The following MOG variants were observed in gnomAD, a reference collection of about 807,000 sequenced individuals.
MOG encodes the protein myelin-oligodendrocyte glycoprotein.
MOG carries 20 observed loss-of-function variants against 35.9 expected under a neutral mutation model. The ratio of observed to expected loss-of-function variants is 0.56; its 90% CI spans 0.39 to 0.81. MOG has a LOEUF of 0.81. Among genes scored for constraint, MOG ranks in the 30% least tolerant of loss-of-function variants. MOG has a pLI of 0.00. For missense variants in MOG, 251 were observed against 301.0 expected, an observed-to-expected ratio of 0.83 and a Z score of 1.23; for synonymous variants, 92 against 114.3, an observed-to-expected ratio of 0.80 and a Z score of 1.25.
intron 2 of MOG, chr6:29,661,771 G>C (rs2535259): frequency 1.0e-6 from 1 of 968,464 alleles, no homozygotes; most frequent in South Asian, 4.8e-5. Flanking sequence ...AGCCAAGATC[G>C]TGCCATTACA....
intron 5 of MOG, among the ~76,000 whole-genome samples, chr6:29,669,686 T>C (rs924197895): frequency 2.6e-5 from 4 of 152,214 alleles, no homozygotes; most frequent in African/African-American, 7.2e-5. Context: ...GTGGCTTCCA[T>C]TGGTAATTAA....
rs756684668 is a variant in MOG, at chr6:29,670,238, G to A, written c.593-43G>A. 3.1e-6 allele frequency: 5 copies of A among 1,614,212 alleles called. No homozygotes were observed. The highest frequency in any genetic ancestry group is 2.2e-5 in the South Asian group (2 of 91,084). On this transcript the variant is annotated intron_variant, in intron 5 of 7. Transcript: ENST00000376917. The surrounding 1 kb of genome is among the most constrained non-coding windows in gnomAD (Gnocchi z 4.2). ...AAAAGACAGGTGGGTGGGGCATGAG[G>A]GGGAACACATGTTAACCCTGTTTGT...
At chr6:29,668,884 T>G (rs1770785328) in intron 5 of MOG, among the ~76,000 whole-genome samples, 1 of 152,114 alleles carries the variant, frequency 6.6e-6, no homozygotes, top group African/African-American at 2.4e-5. Context: ...TAAAATACAG[T>G]TATCAACCGA....
intron 1 of MOG, among the ~76,000 whole-genome samples, chr6:29,658,425 G>T (rs375282467): frequency 1.3e-5 from 2 of 152,328 alleles, no homozygotes; most frequent in African/African-American, 4.8e-5. Flanking sequence ...CAGTGAGGTG[G>T]AAGATACAGG....
At position 29,661,954 on chromosome 6, in the gene MOG, G is replaced by A. The variant is rs370358759; in HGVS notation, c.436+2288G>A. 3.4e-4 allele frequency: 338 copies of A among 985,258 alleles called. 2 individuals are homozygous for A. The South Asian group carries it at 7.1e-3, about 21-fold the overall frequency. The allele number at this position is 985,258 out of a possible 1,614,324, so 61.0% of individuals were successfully genotyped here. ...CCCACCTCTTCGTCTGCATGCCTAA[G>A]AAACTGTTTTACAAGTAAATAAGGG... On this transcript the variant is annotated intron_variant, in intron 2 of 7. Coordinates refer to ENST00000376917, the MANE Select transcript of MOG (RefSeq NM_206809.4).
At position 29,670,504 on chromosome 6, in the gene MOG, T is replaced by C. The variant is rs2127538037; in HGVS notation, c.709+107T>C. 6.7e-7 allele frequency: 1 copy of C among 1,490,092 alleles called. No individual in the cohort carries two copies. The highest frequency in any genetic ancestry group is 9.3e-7 in the Non-Finnish European group (1 of 1,071,666). 92.3% of individuals were successfully genotyped at this position (1,490,092 alleles called of 1,614,324 possible). ...AACCAGGACTCAAGATTAGGGGAGC[T>C]GGGATTTCCTTATTCCTCTGTCCCC... is the stretch of plus-strand genomic sequence containing the variant. On this transcript the variant is annotated intron_variant, in intron 6 of 7. Transcript: ENST00000376917. The surrounding 1 kb of genome is among the most constrained non-coding windows in gnomAD (Gnocchi z 4.2).
intron 3 of MOG, 34 bp from the exon 4 acceptor site, chr6:29,667,609 G>T (rs199745660): frequency 3.8e-5 from 62 of 1,613,712 alleles, no homozygotes; most frequent in Non-Finnish European, 5.1e-5. Context: ...GCCAGAACAT[G>T]CAGGAACTAA....
Position 29,670,241 on chromosome 6 carries a change from G to C in MOG, c.593-40G>C, listed in dbSNP as rs780455550. 1.9e-6 allele frequency: 3 copies of C among 1,614,186 alleles called. No homozygotes were observed. The highest frequency in any genetic ancestry group is 2.5e-6 in the Non-Finnish European group (3 of 1,180,036). On this transcript the variant is annotated intron_variant, in intron 5 of 7. Transcript: ENST00000376917. This position sits in a 1 kb window ranked among gnomAD's most constrained non-coding sequence, Gnocchi z 4.2. ...AGACAGGTGGGTGGGGCATGAGGGG[G>C]AACACATGTTAACCCTGTTTGTTCT...
chr6:29,661,728 A>G (rs780708555), intron 2 of MOG: 30 of 922,224 alleles, frequency 3.3e-5, no homozygotes, highest in Non-Finnish European at 3.9e-5. Context: ...AGGCAGGAGA[A>G]TCGCTTGAAC....
chr6:29,657,786 G>A (rs1767495750), intron 1 of MOG, among the ~76,000 whole-genome samples: 1 of 151,564 alleles, frequency 6.6e-6, no homozygotes, highest in Non-Finnish European at 1.5e-5. Context: ...TGGGATTATG[G>A]GCGTGAGCCA....
At chr6:29,663,945 C>G in intron 2 of MOG, 8 of 966,314 alleles carry the variant, frequency 8.3e-6, no homozygotes, top group Non-Finnish European at 9.8e-6. Flanking sequence ...GTATCCCTAC[C>G]TTTGATGTCA....
rs370604035 is a variant in MOG at position 29,670,786 on chromosome 6, A to G, written c.730+65A>G. The G allele has an allele frequency of 1.3e-3, 2,154 of 1,601,004 alleles. 13 individuals are homozygous for G. The highest frequency in any genetic ancestry group is 0.012 in the Middle Eastern group (72 of 6,046). On this transcript the variant is annotated intron_variant, in intron 7 of 7. Coordinates refer to ENST00000376917, the MANE Select transcript of MOG (RefSeq NM_206809.4). This position sits in a 1 kb window ranked among gnomAD's most constrained non-coding sequence, Gnocchi z 4.2. ...GCCAGGAAAGGGAGACAGAAGCAACAAGAGGAAGAGGCGGGCTATTGAGGG... is the reference window on the plus strand; with the variant it reads ...GCCAGGAAAGGGAGACAGAAGCAACGAGAGGAAGAGGCGGGCTATTGAGGG...
Position 29,658,919 on chromosome 6 carries a change from C to T in MOG, c.89-400C>T, listed in dbSNP as rs377477330. Among the ~76,000 whole-genome samples, 6 of 152,314 alleles carry T rather than the reference C, an allele frequency of 3.9e-5. No individual in the cohort carries two copies. The East Asian group carries it at 1.2e-3, about 29-fold the overall frequency. Reference sequence around the variant, plus strand: ...CTGAGGTCAGGAGTTCGAGACCAGCCTGGCCAACAGTGTGAAACCTCATCT... The same window carrying T: ...CTGAGGTCAGGAGTTCGAGACCAGCTTGGCCAACAGTGTGAAACCTCATCT... On this transcript the variant is annotated intron_variant, in intron 1 of 7. Transcript: ENST00000376917.
chr6:29,661,377 T>C (rs1299477016), intron 2 of MOG: 2 of 985,282 alleles, frequency 2.0e-6, no homozygotes, highest in African/African-American at 1.7e-5. Context: ...ATGTTCTTCA[T>C]ACAGCTGTTT....
Position 29,667,886 on chromosome 6 carries a change from C to T in MOG, c.572-18C>T. ...TTGAGTGCCCTACTAAATCCATTTC[C>T]ATTTGTTTCTCTTTCAGAGAATCTC... is the stretch of plus-strand genomic sequence containing the variant. On this transcript the variant is annotated intron_variant, in intron 4 of 7. Transcript: ENST00000376917. The T allele has an allele frequency of 1.2e-6, 2 of 1,613,718 alleles. No individual in the cohort carries two copies. The highest frequency in any genetic ancestry group is 1.7e-6 in the Non-Finnish European group (2 of 1,179,904).
chr6:29,661,358 T>G, intron 2 of MOG: 1 of 984,998 alleles, frequency 1.0e-6, no homozygotes, highest in Non-Finnish European at 1.2e-6. Context: ...TAGCTTTATG[T>G]GTCTCAGAAT....
chr6:29,671,718 A>C lies in MOG; in HGVS notation c.*533A>C. On this transcript the variant is annotated 3_prime_UTR_variant, in exon 8 of 8. Coordinates refer to ENST00000376917, the MANE Select transcript of MOG (RefSeq NM_206809.4). Reference sequence around the variant, plus strand: ...TGAGGATATGAGTAGCCCCAACCCAAACCTGGAGATGGGGAGAAACCTACA... The same window carrying C: ...TGAGGATATGAGTAGCCCCAACCCACACCTGGAGATGGGGAGAAACCTACA... 1 of 548,480 alleles carries C rather than the reference A, an allele frequency of 1.8e-6. No homozygotes were observed. Among genetic ancestry groups the C allele is most frequent in the Non-Finnish European group, 3.2e-6 (1 of 308,556 alleles). The allele number at this position is 548,480 out of a possible 1,614,324, so 34.0% of individuals were successfully genotyped here.
chr6:29,666,042 C>T, intron 2 of MOG, 110 bp from the exon 3 acceptor site: 3 of 809,098 alleles, frequency 3.7e-6, no homozygotes, highest in Non-Finnish European at 6.7e-6. Flanking sequence ...TTCTTTGAAT[C>T]CTGATGATAT....
Position 29,662,424 on chromosome 6 carries a change from G to A in MOG, c.436+2758G>A, listed in dbSNP as rs1433922774. Among the ~76,000 whole-genome samples the A allele has an allele frequency of 7.9e-5, 12 of 151,772 alleles. No homozygotes were observed. Among genetic ancestry groups the A allele is most frequent in the Non-Finnish European group, 4.4e-5 (3 of 67,928 alleles). ...GCTTGAACCGGGAGGCAGAGGTTGC[G>A]GTGAGCCAAGATCGCGCCATTGCAC... On this transcript the variant is annotated intron_variant, in intron 2 of 7. Coordinates refer to ENST00000376917, the MANE Select transcript of MOG (RefSeq NM_206809.4). This position sits in a 1 kb window ranked among gnomAD's most constrained non-coding sequence, Gnocchi z 4.2.
Sources: allele counts gnomAD v4.1 joint callset (sites outside exome capture counted in the v4.1 genomes callset), GRCh38; gene constraint gnomAD v4.1.1; non-coding constraint Gnocchi (gnomAD v3.1); transcripts MANE v1.5; gene names NCBI Gene and HGNC (gene_info 2026-07-23, HGNC 2026-07-21).